Variants in UBE4B observed in about 807,000 individuals in gnomAD.
UBE4B encodes the protein ubiquitin conjugation factor E4 B.
In UBE4B, 27 loss-of-function variants were observed where a neutral mutation model predicts 148.1. The ratio of observed to expected loss-of-function variants is 0.18; its 90% CI spans 0.13 to 0.25. UBE4B has a LOEUF of 0.25. Ranked by LOEUF, UBE4B falls within the 10% of genes least tolerant of loss-of-function variation. The pLI, the probability that UBE4B is intolerant of heterozygous loss-of-function variation, is 1.00. For synonymous variants in UBE4B, 596 were observed against 619.3 expected, an observed-to-expected ratio of 0.96 and a Z score of 0.56; for missense variants, 1,170 against 1,662.4, an observed-to-expected ratio of 0.70 and a Z score of 5.15.
intron 7 of UBE4B, among the ~76,000 whole-genome samples, chr1:10,117,206 G>A (rs1379324810): frequency 1.3e-5 from 2 of 152,150 alleles, no homozygotes; most frequent in Non-Finnish European, 2.9e-5. Context: ...CCAGTTCTTA[G>A]TGCTTCTGGT....
chr1:10,113,320 G>C lies in UBE4B; in HGVS notation c.1197-4139G>C, dbSNP rs142972445. ...TTGCTAAGGCATTGGTGAGGGATCT[G>C]CCCCCATGATCCAGTCACCTCCCAC... On this transcript the variant is annotated intron_variant, in intron 7 of 27. Transcript: ENST00000343090. Among the ~76,000 whole-genome samples the C allele has an allele frequency of 6.8e-3, 1,029 of 152,330 alleles. 7 individuals are homozygous for C. The highest frequency in any genetic ancestry group is 0.012 in the Non-Finnish European group (828 of 68,034).
chr1:10,102,678 T>C (rs779513612), intron 4 of UBE4B, among the ~76,000 whole-genome samples: 1 of 152,058 alleles, frequency 6.6e-6, no homozygotes, highest in Non-Finnish European at 1.5e-5. Context: ...TCCAGAATGC[T>C]GGGATTACAG....
chr1:10,088,535 C>T (rs1346857157), intron 2 of UBE4B, among the ~76,000 whole-genome samples: 1 of 151,842 alleles, frequency 6.6e-6, no homozygotes. Context: ...GCCACCATGC[C>T]CAGCTAATTT....
rs1426516833 is a variant in UBE4B, at chr1:10,135,120, C to T, written c.2158C>T (p.Leu720Phe). 3 of 1,613,928 alleles carry T rather than the reference C, an allele frequency of 1.9e-6. No individual in the cohort carries two copies. The highest frequency in any genetic ancestry group is 8.5e-7 in the Non-Finnish European group (1 of 1,180,000). ...YIFHPRCRIT[L>F]PNDETRVNAT... ...TTTTCACCCAAGATGTCGGATTACT[C>T]TTCCCAATGATGAGACGCGTGTGAA... Residue 720 changes from leucine to phenylalanine, a missense_variant, in exon 16 of 28, where the codon CTT becomes TTT. This residue lies in a region of UBE4B where 388 missense variants were observed against 536.0 expected (regional missense o/e 0.72). Transcript: ENST00000343090.
chr1:10,099,598 T>G (rs1027552312), intron 3 of UBE4B, among the ~76,000 whole-genome samples: 18 of 152,184 alleles, frequency 1.2e-4, no homozygotes, highest in African/African-American at 4.3e-4. Context: ...CCGGGAGGGT[T>G]TTTAAGGAAT....
chr1:10,110,269 G>A (rs1645196063), intron 7 of UBE4B, among the ~76,000 whole-genome samples: 1 of 152,184 alleles, frequency 6.6e-6, no homozygotes, highest in Non-Finnish European at 1.5e-5. Flanking sequence ...GTGATGATAA[G>A]GATTAATTTT....
chr1:10,109,887 G>A (rs923926590), intron 7 of UBE4B, among the ~76,000 whole-genome samples: 17 of 152,096 alleles, frequency 1.1e-4, no homozygotes, highest in Non-Finnish European at 1.5e-4. Flanking sequence ...CACACCTCAG[G>A]TGATCTGCCC....
chr1:10,165,523 C>CA (rs1646233190), intron 23 of UBE4B, among the ~76,000 whole-genome samples: 1 of 152,106 alleles, frequency 6.6e-6, no homozygotes, highest in Admixed American at 6.6e-5. Flanking sequence ...CCTTATCACT[C>CA]AGAGCCAAAT....
Position 10,119,596 on chromosome 1 carries a change from C to T in UBE4B, c.1422C>T (p.Gly474=), listed in dbSNP as rs747904089. ...CCCATACTGCTTTAGTACTACAAGG[C>T]TCCCTAACACAGCCCAGGTATGAAG... ...CISHTALVLQ[G]SLTQPRSLQQ... The change falls in exon 9 of 28, where the codon GGC becomes GGT. Residue 474 remains glycine, a synonymous_variant. Transcript: ENST00000343090. 6.8e-6 allele frequency: 11 copies of T among 1,613,050 alleles called. No individual in the cohort carries two copies. The highest frequency in any genetic ancestry group is 2.2e-5 in the East Asian group (1 of 44,846).
Position 10,161,043 on chromosome 1 carries a change from T to G in UBE4B, c.3054-99T>G. Reference sequence around the variant, plus strand: ...GGGTAGCCAGGCTTTTAGGGTGAGATAGTTGCAGTCTGGGTGGAGGTGCTT... The same window carrying G: ...GGGTAGCCAGGCTTTTAGGGTGAGAGAGTTGCAGTCTGGGTGGAGGTGCTT... On this transcript the variant is annotated intron_variant, in intron 22 of 27. Transcript: ENST00000343090. This position sits in a 1 kb window ranked among gnomAD's most constrained non-coding sequence, Gnocchi z 4.1. 1 of 1,364,426 alleles carries G rather than the reference T, an allele frequency of 7.3e-7. No homozygotes were observed. Among genetic ancestry groups the G allele is most frequent in the Non-Finnish European group, 1.0e-6 (1 of 985,230 alleles). The allele number at this position is 1,364,426 out of a possible 1,614,324, so 84.5% of individuals were successfully genotyped here.
At chr1:10,054,295 T>G (rs988073287) in intron 1 of UBE4B, 1 of 157,824 alleles carries the variant, frequency 6.3e-6, no homozygotes, top group African/African-American at 2.4e-5. Context: ...TACATTAAAT[T>G]TGAATAGTAA....
intron 25 of UBE4B, among the ~76,000 whole-genome samples, chr1:10,177,372 A>C (rs1259740974): frequency 6.6e-6 from 1 of 152,072 alleles, no homozygotes; most frequent in Non-Finnish European, 1.5e-5. Flanking sequence ...ATACAAAAAA[A>C]TTAGCCAGCC....
Position 10,048,352 on chromosome 1 carries a change from G to A in UBE4B, c.24+14658G>A, listed in dbSNP as rs556181352. 1.9e-4 allele frequency among the ~76,000 whole-genome samples: 29 copies of A among 152,346 alleles called. No homozygotes were observed. In the South Asian group the frequency reaches 5.4e-3, roughly 28 times the overall value. On this transcript the variant is annotated intron_variant, in intron 1 of 27. Coordinates refer to ENST00000343090, the MANE Select transcript of UBE4B (RefSeq NM_001105562.3). ...TCCATATGGAGATGTGAAATAGGTT[G>A]TATAGGAGTTTGCAGTTCTTGGGGG...
chr1:10,164,377 T>C (rs1571015003), intron 23 of UBE4B, among the ~76,000 whole-genome samples: 2 of 148,724 alleles, frequency 1.3e-5, no homozygotes, highest in South Asian at 4.2e-4. Context: ...AAAGAAAGAG[T>C]CTTGCTCTGT....
chr1:10,044,353 C>G (rs1469614518), intron 1 of UBE4B, among the ~76,000 whole-genome samples: 2 of 152,130 alleles, frequency 1.3e-5, no homozygotes. Context: ...CCGCGCCTGG[C>G]CCAGTTCCAT....
chr1:10,096,459 C>T (rs1644929356), intron 3 of UBE4B, among the ~76,000 whole-genome samples: 1 of 152,074 alleles, frequency 6.6e-6, no homozygotes, highest in South Asian at 2.1e-4. Flanking sequence ...AGTCCGGGCT[C>T]GATGGCTCAT....
chr1:10,155,226 C>A (rs1319516438), intron 21 of UBE4B, among the ~76,000 whole-genome samples: 1 of 152,148 alleles, frequency 6.6e-6, no homozygotes, highest in African/African-American at 2.4e-5. Context: ...GTTGTTCTCT[C>A]TTTCCTCTTT....
intron 4 of UBE4B, 148 bp downstream of exon 4, chr1:10,101,343 A>G (rs941373169): frequency 4.3e-5 from 29 of 681,086 alleles, no homozygotes; most frequent in Non-Finnish European, 4.9e-6. Flanking sequence ...AAAAATGAAT[A>G]ACCTAGATTA....
In UBE4B at chr1:10,119,497, C is replaced by G; in HGVS notation, c.1339-16C>G. 1.2e-6 allele frequency: 2 copies of G among 1,612,650 alleles called. No individual in the cohort carries two copies. Among genetic ancestry groups the G allele is most frequent in the South Asian group, 1.1e-5 (1 of 91,066 alleles). On this transcript the variant is annotated splice_polypyrimidine_tract_variant and intron_variant, in intron 8 of 27. Transcript: ENST00000343090. ...GTTTGTTTCTTGTCGTCCTCACTTC[C>G]ACCTTTCCTTTTCAGATGTGCAGCC... is the stretch of plus-strand genomic sequence containing the variant.
Sources: allele counts gnomAD v4.1 joint callset (sites outside exome capture counted in the v4.1 genomes callset), GRCh38; gene constraint gnomAD v4.1.1; regional missense constraint gnomAD v4.1.1; non-coding constraint Gnocchi (gnomAD v3.1); transcripts MANE v1.5; gene names NCBI Gene and HGNC (gene_info 2026-07-23, HGNC 2026-07-21).